SAMHD1: variants seen among roughly 807,000 people sequenced by gnomAD.
The protein encoded by SAMHD1 is deoxynucleoside triphosphate triphosphohydrolase SAMHD1.
Under a neutral mutation model 79.6 loss-of-function variants are expected in SAMHD1, and 54 were observed. The ratio of observed to expected loss-of-function variants is 0.68; its 90% CI spans 0.55 to 0.85. The LOEUF is 0.85. SAMHD1 is among the 40% of genes least tolerant of loss of function. SAMHD1 has a pLI of 0.00. For missense variants in SAMHD1, 663 were observed against 782.7 expected, an observed-to-expected ratio of 0.85 and a Z score of 1.82; for synonymous variants, 260 against 264.1, an observed-to-expected ratio of 0.98 and a Z score of 0.15.
At chr20:36,941,146 A>G in intron 2 of SAMHD1, 35 bp from the exon 3 acceptor site, 1 of 1,405,166 alleles carries the variant, frequency 7.1e-7, no homozygotes, top group Admixed American at 1.7e-5. Flanking sequence ...GTCTATCATT[A>G]TTTGCTTAAT....
At chr20:36,933,388 T>A (rs749995045) in intron 4 of SAMHD1, among the ~76,000 whole-genome samples, 7 of 152,218 alleles carry the variant, frequency 4.6e-5, no homozygotes, top group Non-Finnish European at 1.0e-4. Flanking sequence ...AAGAAAATGA[T>A]CTGGTTTGAA....
At chr20:36,894,670 G>A (rs1990165272) in intron 15 of SAMHD1, among the ~76,000 whole-genome samples, 1 of 151,658 alleles carries the variant, frequency 6.6e-6, no homozygotes, top group Admixed American at 6.6e-5. Context: ...AGGAGGCGGA[G>A]GCAGGAGAAT....
At chr20:36,932,401 G>A (rs371254339) in intron 4 of SAMHD1, among the ~76,000 whole-genome samples, 5 of 148,028 alleles carry the variant, frequency 3.4e-5, no homozygotes, top group South Asian at 2.1e-4. Context: ...AGGGGGTTGC[G>A]GGGGGTTGCG....
In SAMHD1 at chr20:36,907,625, C is replaced by T. The variant is rs186087639; in HGVS notation, c.1271-2122G>A. On this transcript the variant is annotated intron_variant, in intron 11 of 15. Coordinates refer to ENST00000646673, the MANE Select transcript of SAMHD1 (RefSeq NM_015474.4). ...TGCGATCTCAGCTCACTGCAACCTCCGCCTCCTGGGTGCAAATGATTCTCC... is the reference window on the plus strand; with the variant it reads ...TGCGATCTCAGCTCACTGCAACCTCTGCCTCCTGGGTGCAAATGATTCTCC... Among the ~76,000 whole-genome samples the T allele has an allele frequency of 3.7e-3, 557 of 150,328 alleles. 6 individuals carry two copies. The highest frequency in any genetic ancestry group is 0.013 in the African/African-American group (536 of 40,778).
Position 36,897,885 on chromosome 20 carries a change from ACT to A in SAMHD1, c.1681_1682del (p.Ser561PhefsTer61). Reference protein sequence around the residue: ...RVYCKKVDRKSLYAARQYFVQ... With the variant: ...RVYCKKVDRKXLYAARQYFVQ... ...CAAAATATTGTCTTGCGGCATACAA[ACT>A]CTTTCTGTCCACCTTCTTACAATAT... On this transcript the variant is annotated frameshift_variant, in exon 15 of 16. Transcript: ENST00000646673. LOFTEE classifies it high-confidence loss of function. 8 of 1,614,000 alleles carry A rather than the reference ACT, an allele frequency of 5.0e-6. No individual in the cohort carries two copies. Among genetic ancestry groups the A allele is most frequent in the Admixed American group, 1.7e-5 (1 of 59,988 alleles).
chr20:36,897,595 TA>T, intron 15 of SAMHD1: 1 of 582,180 alleles, frequency 1.7e-6, no homozygotes. Flanking sequence ...TTTTTATTAT[TA>T]GGACAATAAT....
rs16986365 is a variant in SAMHD1 at position 36,906,645 on chromosome 20, G to A, written c.1271-1142C>T. Among the ~76,000 whole-genome samples the A allele has an allele frequency of 3.9e-3, 586 of 152,122 alleles. 2 individuals carry two copies. Among genetic ancestry groups the A allele is most frequent in the African/African-American group, 0.013 (544 of 41,496 alleles). On this transcript the variant is annotated intron_variant, in intron 11 of 15. Transcript: ENST00000646673. The stretch of plus-strand genomic sequence containing the variant: ...ACAATGATTTTTTAATGTCCCATTC[G>A]ATGATGAGAGTAGAAGAAATGTTTT...
chr20:36,936,014 C>T (rs1283375822), intron 3 of SAMHD1, among the ~76,000 whole-genome samples: 1 of 152,002 alleles, frequency 6.6e-6, no homozygotes, highest in Non-Finnish European at 1.5e-5. Context: ...CAGGTGCTCA[C>T]ATCTGTAATC....
At chr20:36,915,300 T>C (rs867470865) in intron 9 of SAMHD1, among the ~76,000 whole-genome samples, 44 of 152,204 alleles carry the variant, frequency 2.9e-4, no homozygotes, top group Non-Finnish European at 5.1e-4. Flanking sequence ...ATAGTGCCAC[T>C]GTACTCCAGC....
At chr20:36,898,166 G>C (rs909638453) in intron 14 of SAMHD1, among the ~76,000 whole-genome samples, 1 of 152,098 alleles carries the variant, frequency 6.6e-6, no homozygotes, top group African/African-American at 2.4e-5. Flanking sequence ...TAAGTAGTTG[G>C]AACTACAGGC....
At chr20:36,893,225 C>T (rs975379192) in intron 15 of SAMHD1, 159 bp from the exon 16 acceptor site, 4 of 840,142 alleles carry the variant, frequency 4.8e-6, no homozygotes, top group Non-Finnish European at 7.6e-6. Context: ...ATGCCCTGTG[C>T]TTGGGGCAAA....
chr20:36,923,322 A>C (rs1277251166), intron 6 of SAMHD1, among the ~76,000 whole-genome samples: 1 of 152,100 alleles, frequency 6.6e-6, no homozygotes, highest in Admixed American at 6.6e-5. Context: ...TTAAAAAATA[A>C]AAATGAGGTG....
At chr20:36,940,861 T>C in intron 3 of SAMHD1, 178 bp downstream of exon 3, 1 of 620,692 alleles carries the variant, frequency 1.6e-6, no homozygotes. Context: ...TTAGTTCTTC[T>C]TCTGATTTAA....
At chr20:36,944,324 A>AC (rs1206397970) in intron 2 of SAMHD1, among the ~76,000 whole-genome samples, 1 of 151,940 alleles carries the variant, frequency 6.6e-6, no homozygotes, top group Non-Finnish European at 1.5e-5. Context: ...GTCTCAAAAA[A>AC]AAAAAAAAAA....
rs556301477 is a variant in SAMHD1, at chr20:36,891,388, A to T, written c.*1544T>A. 45 of 152,160 alleles carry T rather than the reference A, an allele frequency of 3.0e-4. No homozygotes were observed. The highest frequency in any genetic ancestry group is 1.1e-3 in the African/African-American group (45 of 41,472). 9.4% of individuals were successfully genotyped at this position (152,160 alleles called of 1,614,324 possible). A position where few individuals can be genotyped will look rare whatever the true frequency, so the allele number is the denominator to read the frequency against. On this transcript the variant is annotated 3_prime_UTR_variant, in exon 16 of 16. Coordinates refer to ENST00000646673, the MANE Select transcript of SAMHD1 (RefSeq NM_015474.4). ...CCCCTACTTGCTCAGGCTGCCCCTC[A>T]CTCCCAGTGTGCCAGGGAGGCTTAG...
chr20:36,902,774 G>A (rs1990328747), intron 13 of SAMHD1, among the ~76,000 whole-genome samples: 2 of 151,578 alleles, frequency 1.3e-5, no homozygotes, highest in South Asian at 4.2e-4. Flanking sequence ...GTCTCACTCT[G>A]TCGCCCAGGC....
At chr20:36,945,403 C>T (rs1366442954) in intron 2 of SAMHD1, among the ~76,000 whole-genome samples, 2 of 152,130 alleles carry the variant, frequency 1.3e-5, no homozygotes, top group African/African-American at 4.8e-5. Context: ...AGGGCATATT[C>T]CAATCTTTAG....
intron 4 of SAMHD1, chr20:36,934,758 A>C: frequency 2.7e-6 from 1 of 365,602 alleles, no homozygotes; most frequent in Non-Finnish European, 5.2e-6. Flanking sequence ...TCCTGGGTTC[A>C]AGTGATCCTC....
At chr20:36,941,640 T>C (rs1420282043) in intron 2 of SAMHD1, among the ~76,000 whole-genome samples, 3 of 152,224 alleles carry the variant, frequency 2.0e-5, no homozygotes, top group African/African-American at 7.2e-5. Flanking sequence ...ATTATCCTGC[T>C]TCATTTACAA....
Sources: allele counts gnomAD v4.1 joint callset (sites outside exome capture counted in the v4.1 genomes callset), GRCh38; gene constraint gnomAD v4.1.1; transcripts MANE v1.5; gene names NCBI Gene and HGNC (gene_info 2026-07-23, HGNC 2026-07-21).